The following NOL4 variants were observed in gnomAD, a reference collection of about 807,000 sequenced individuals.
NOL4 encodes the protein nucleolar protein 4, also known as cancer/testis antigen 125.
In NOL4, 17 loss-of-function variants were observed where a neutral mutation model predicts 75.9. The ratio of observed to expected loss-of-function variants is 0.22; its 90% CI spans 0.15 to 0.34. The LOEUF is 0.34. Ranked by LOEUF, NOL4 falls within the 10% of genes least tolerant of loss-of-function variation. The pLI is 1.00. For synonymous variants in NOL4, 292 were observed against 289.9 expected, an observed-to-expected ratio of 1.01 and a Z score of -0.07; for missense variants, 614 against 793.5, an observed-to-expected ratio of 0.77 and a Z score of 2.72.
chr18:34,198,045 T>C (rs921253410), intron 1 of NOL4, among the ~76,000 whole-genome samples: 1 of 151,836 alleles, frequency 6.6e-6, no homozygotes, highest in Non-Finnish European at 1.5e-5. Flanking sequence ...ACAAGGAGAA[T>C]ACAGTGAAAC....
intron 6 of NOL4, among the ~76,000 whole-genome samples, chr18:33,999,320 G>C (rs1208543711): frequency 6.6e-6 from 1 of 151,512 alleles, no homozygotes; most frequent in Non-Finnish European, 1.5e-5. Flanking sequence ...GCTAGATAAT[G>C]CTAATTTTTT....
chr18:34,072,704 C>T (rs1164225866), intron 5 of NOL4, among the ~76,000 whole-genome samples: 1 of 152,070 alleles, frequency 6.6e-6, no homozygotes, highest in Non-Finnish European at 1.5e-5. Context: ...GACCATACAG[C>T]AAGTTACAAA....
At chr18:34,125,168 A>G (rs1339370569) in intron 2 of NOL4, among the ~76,000 whole-genome samples, 2 of 152,182 alleles carry the variant, frequency 1.3e-5, no homozygotes, top group Non-Finnish European at 2.9e-5. Context: ...ACCCAAATAG[A>G]TTGAGTTCTA....
chr18:33,980,949 T>C (rs1394643246), intron 6 of NOL4, among the ~76,000 whole-genome samples: 1 of 151,932 alleles, frequency 6.6e-6, no homozygotes, highest in Non-Finnish European at 1.5e-5. Flanking sequence ...ATAGAAAAAC[T>C]AGACAACATA....
chr18:33,871,640 A>C (rs1348773608), intron 10 of NOL4, among the ~76,000 whole-genome samples: 1 of 151,968 alleles, frequency 6.6e-6, no homozygotes, highest in Non-Finnish European at 1.5e-5. Context: ...TCAAGAAGGA[A>C]GGTCCCAGGA....
chr18:33,900,591 T>A (rs955673963), intron 9 of NOL4, among the ~76,000 whole-genome samples: 3 of 152,120 alleles, frequency 2.0e-5, no homozygotes, highest in Non-Finnish European at 4.4e-5. Flanking sequence ...AATGTAAACA[T>A]TGAAAATTCA....
In NOL4 at chr18:33,988,247, G is replaced by A. The variant is rs180700007; in HGVS notation, c.1057-29829C>T. 5.9e-5 allele frequency among the ~76,000 whole-genome samples: 9 copies of A among 152,138 alleles called. No homozygotes were observed. The East Asian group carries it at 1.6e-3, about 26-fold the overall frequency. The stretch of plus-strand genomic sequence containing the variant: ...TAGCCAGAGAAGTAAAATGCCTACT[G>A]TCAATATTATTCCTCCACTCTTCCC... On this transcript the variant is annotated intron_variant, in intron 6 of 10. Coordinates refer to ENST00000261592, the MANE Select transcript of NOL4 (RefSeq NM_003787.5).
chr18:34,163,726 A>G (rs2146199632), intron 1 of NOL4, among the ~76,000 whole-genome samples: 1 of 152,294 alleles, frequency 6.6e-6, no homozygotes, highest in East Asian at 1.9e-4. Flanking sequence ...TCTTCACAGA[A>G]CTGGAAAAAA....
At chr18:33,945,166 TAA>T (rs2068753936) in intron 8 of NOL4, among the ~76,000 whole-genome samples, 2 of 151,914 alleles carry the variant, frequency 1.3e-5, no homozygotes, top group South Asian at 4.1e-4. Context: ...AGAATCTAAA[TAA>T]AATATCAGCA....
chr18:34,069,714 C>A (rs751068076), intron 5 of NOL4, among the ~76,000 whole-genome samples: 1 of 152,084 alleles, frequency 6.6e-6, no homozygotes, highest in Non-Finnish European at 1.5e-5. Context: ...GAAAACCAAC[C>A]CATTATCCAC....
chr18:34,073,839 T>G (rs2077627318), intron 5 of NOL4, among the ~76,000 whole-genome samples: 1 of 152,016 alleles, frequency 6.6e-6, no homozygotes, highest in Non-Finnish European at 1.5e-5. Context: ...AAAACTTTTA[T>G]AGGAAAGAAG....
At chr18:34,171,146 G>A (rs147553472) in intron 1 of NOL4, among the ~76,000 whole-genome samples, 29 of 152,202 alleles carry the variant, frequency 1.9e-4, no homozygotes, top group East Asian at 1.7e-3. Flanking sequence ...TACATTTACT[G>A]TTATTAGTTC....
intron 1 of NOL4, among the ~76,000 whole-genome samples, chr18:34,138,292 C>T (rs1568383495): frequency 6.6e-6 from 1 of 152,046 alleles, no homozygotes; most frequent in Non-Finnish European, 1.5e-5. Flanking sequence ...GTCCCAGATG[C>T]TCAGGAGGCT....
chr18:34,148,932 T>C (rs1403061623), intron 1 of NOL4, among the ~76,000 whole-genome samples: 1 of 151,928 alleles, frequency 6.6e-6, no homozygotes, highest in African/African-American at 2.4e-5. Context: ...TAGTTAGCTC[T>C]TCTTGCAAAA....
chr18:34,169,161 T>C (rs1222534980), intron 1 of NOL4, among the ~76,000 whole-genome samples: 1 of 151,914 alleles, frequency 6.6e-6, no homozygotes, highest in Non-Finnish European at 1.5e-5. Flanking sequence ...GAATATATGA[T>C]TTTTATTGTT....
At chr18:34,006,013 C>G (rs1000075856) in intron 6 of NOL4, among the ~76,000 whole-genome samples, 1 of 152,044 alleles carries the variant, frequency 6.6e-6, no homozygotes, top group East Asian at 1.9e-4. Flanking sequence ...TTTGTGTTTT[C>G]ACAGAACATT....
chr18:33,995,516 G>C (rs897214820), intron 6 of NOL4, among the ~76,000 whole-genome samples: 1 of 151,368 alleles, frequency 6.6e-6, no homozygotes, highest in African/African-American at 2.4e-5. Flanking sequence ...CACACAAAAA[G>C]CATTTGACAA....
chr18:33,885,964 T>C (rs2064618771), intron 9 of NOL4, among the ~76,000 whole-genome samples: 1 of 152,172 alleles, frequency 6.6e-6, no homozygotes, highest in African/African-American at 2.4e-5. Flanking sequence ...GTGGTACATA[T>C]ACACAATGGA....
chr18:34,024,190 A>ATAT lies in NOL4; in HGVS notation c.773-4590_773-4589insATA, dbSNP rs1322401512. Reference sequence around the variant, plus strand: ...TAGGCAAAATAAACAGGAAAAAAAAAAAAAATATATATATATATATATATA... The same window carrying ATAT: ...TAGGCAAAATAAACAGGAAAAAAAAATATAAAAATATATATATATATATATATA... On this transcript the variant is annotated intron_variant, in intron 5 of 10. Transcript: ENST00000261592. 1.6e-3 allele frequency among the ~76,000 whole-genome samples: 110 copies of ATAT among 69,662 alleles called. 2 individuals carry two copies. The highest frequency in any genetic ancestry group is 9.4e-3 in the South Asian group (27 of 2,868). The allele number at this position is 69,662 out of a possible 152,430, so 45.7% of individuals were successfully genotyped here. A position where few individuals can be genotyped will look rare whatever the true frequency, so the allele number is the denominator to read the frequency against.
Sources: allele counts gnomAD v4.1 joint callset (sites outside exome capture counted in the v4.1 genomes callset), GRCh38; gene constraint gnomAD v4.1.1; transcripts MANE v1.5; gene names NCBI Gene and HGNC (gene_info 2026-07-23, HGNC 2026-07-21).